PRKCA: variants seen among roughly 807,000 people sequenced by gnomAD.
PRKCA encodes protein kinase C alpha.
A neutral mutation model predicts 87.0 loss-of-function variants in PRKCA; 27 were observed. That is an observed-to-expected ratio of 0.31 (90% CI 0.23 to 0.43). PRKCA has a LOEUF of 0.43. Among genes scored for constraint, PRKCA ranks in the 20% least tolerant of loss-of-function variants. The pLI, the probability that PRKCA is intolerant of heterozygous loss-of-function variation, is 1.00. For missense variants in PRKCA, 518 were observed against 852.3 expected (o/e 0.61, Z 4.88); for synonymous variants, 329 against 311.1 (o/e 1.06, Z -0.61).
At chr17:66,644,177 A>G (rs1299516518) in intron 4 of PRKCA, among the ~76,000 whole-genome samples, 1 of 152,254 alleles carries the variant, frequency 6.6e-6, no homozygotes, top group African/African-American at 2.4e-5. Flanking sequence ...TAGAAGCCTA[A>G]TAGCATCCAC....
At chr17:66,753,800 C>A (rs376623727) in intron 13 of PRKCA, among the ~76,000 whole-genome samples, 37 of 152,202 alleles carry the variant, frequency 2.4e-4, no homozygotes, top group African/African-American at 7.2e-4. Context: ...CACGTCAGGA[C>A]ACAGCGAGAA....
At chr17:66,364,473 G>C (rs1311825305) in intron 2 of PRKCA, among the ~76,000 whole-genome samples, 1 of 152,162 alleles carries the variant, frequency 6.6e-6, no homozygotes, top group Non-Finnish European at 1.5e-5. Flanking sequence ...ATTTGAATTT[G>C]ATCTTAGGGA....
chr17:66,462,912 G>T (rs781272708), intron 2 of PRKCA, among the ~76,000 whole-genome samples: 1 of 146,776 alleles, frequency 6.8e-6, no homozygotes, highest in African/African-American at 2.6e-5. Context: ...ACACATGCAC[G>T]TGCACACATG....
intron 8 of PRKCA, among the ~76,000 whole-genome samples, chr17:66,695,267 A>T (rs917513072): frequency 9.8e-5 from 15 of 152,346 alleles, no homozygotes; most frequent in Middle Eastern, 3.4e-3. Flanking sequence ...CCTGGGGCTG[A>T]GGGCACTTCA....
At chr17:66,742,819 C>G in intron 13 of PRKCA, 59 bp downstream of exon 13, 1 of 1,582,640 alleles carries the variant, frequency 6.3e-7, no homozygotes. Flanking sequence ...ACGCAGCCCT[C>G]TCATGGGTTA....
chr17:66,353,586 T>C (rs1347503694), intron 2 of PRKCA, among the ~76,000 whole-genome samples: 2 of 152,100 alleles, frequency 1.3e-5, no homozygotes, highest in Non-Finnish European at 2.9e-5. Context: ...TGTGGTGGCC[T>C]GCTCCTGTAA....
chr17:66,775,130 A>T (rs1975016979), intron 14 of PRKCA: 2 of 983,574 alleles, frequency 2.0e-6, no homozygotes, highest in South Asian at 9.5e-5. Context: ...GGTGGTGCTG[A>T]TGGATGCGAG....
At chr17:66,566,992 A>G (rs576764623) in intron 3 of PRKCA, among the ~76,000 whole-genome samples, 10 of 152,270 alleles carry the variant, frequency 6.6e-5, no homozygotes, top group Admixed American at 5.9e-4. Flanking sequence ...TAAACCCTCA[A>G]TGGGAATATT....
chr17:66,780,841 C>T (rs1250927404), intron 14 of PRKCA, among the ~76,000 whole-genome samples: 1 of 152,098 alleles, frequency 6.6e-6, no homozygotes, highest in South Asian at 2.1e-4. Flanking sequence ...GGCGTGGTGA[C>T]ACACACCTGT....
At chr17:66,802,468 T>C (rs1409364858) in intron 16 of PRKCA, among the ~76,000 whole-genome samples, 1 of 151,266 alleles carries the variant, frequency 6.6e-6, no homozygotes, top group Admixed American at 6.6e-5. Context: ...GAGGTTACAG[T>C]GAGCCGAGGT....
rs1395432476 is a variant in PRKCA at position 66,781,862 on chromosome 17, GAGAGAGAT to G, written c.1606-5003_1606-4996del. ...TGGTAAATTTTGTGAGAGAGAGAGA[GAGAGAGAT>G]ATATATATATATATATAGTGTGTGT... On this transcript the variant is annotated intron_variant, in intron 14 of 16. Transcript: ENST00000413366. Among the ~76,000 whole-genome samples the G allele has an allele frequency of 2.2e-3, 248 of 113,264 alleles. 1 individual carries two copies. The highest frequency in any genetic ancestry group is 9.5e-3 in the African/African-American group (241 of 25,470). 74.3% of individuals were successfully genotyped at this position (113,264 alleles called of 152,430 possible).
intron 3 of PRKCA, 135 bp downstream of exon 3, chr17:66,496,418 A>G (rs372166079): frequency 4.2e-5 from 29 of 694,400 alleles, no homozygotes; most frequent in East Asian, 1.9e-4. Context: ...GTTGGCTTGT[A>G]GTAATGAGCA....
At chr17:66,482,979 T>G (rs1915847913) in intron 2 of PRKCA, among the ~76,000 whole-genome samples, 1 of 152,192 alleles carries the variant, frequency 6.6e-6, no homozygotes, top group Non-Finnish European at 1.5e-5. Flanking sequence ...CCCTAATTCA[T>G]TAGTTTGGTA....
chr17:66,722,373 C>T (rs968220783), intron 8 of PRKCA, among the ~76,000 whole-genome samples: 3 of 152,184 alleles, frequency 2.0e-5, no homozygotes, highest in African/African-American at 7.2e-5. Context: ...TTTGTCACAA[C>T]CACCCTCAAT....
At chr17:66,668,085 C>A (rs1972087113) in intron 5 of PRKCA, among the ~76,000 whole-genome samples, 1 of 152,196 alleles carries the variant, frequency 6.6e-6, no homozygotes, top group Non-Finnish European at 1.5e-5. Flanking sequence ...CAAAGTCCTG[C>A]ACACCTGAAA....
chr17:66,786,197 G>A (rs1327083730), intron 14 of PRKCA, among the ~76,000 whole-genome samples: 1 of 152,328 alleles, frequency 6.6e-6, no homozygotes, highest in Admixed American at 6.5e-5. Flanking sequence ...AGTAGAGCTA[G>A]AATTCTGGTC....
intron 16 of PRKCA, among the ~76,000 whole-genome samples, chr17:66,796,254 G>A (rs1000206382): frequency 7.9e-5 from 12 of 152,270 alleles, no homozygotes; most frequent in Non-Finnish European, 1.3e-4. Flanking sequence ...ATGTATAAAC[G>A]TATACACAGA....
At chr17:66,369,563 C>G (rs1908970504) in intron 2 of PRKCA, among the ~76,000 whole-genome samples, 1 of 152,168 alleles carries the variant, frequency 6.6e-6, no homozygotes, top group African/African-American at 2.4e-5. Context: ...AACTTGGATG[C>G]CTTGAGGTAC....
chr17:66,761,581 C>T (rs1051606391), intron 13 of PRKCA, among the ~76,000 whole-genome samples: 19 of 151,702 alleles, frequency 1.3e-4, no homozygotes, highest in Admixed American at 4.6e-4. Context: ...CCCAGCCTCC[C>T]GAGCAGCTGG....
Sources: allele counts gnomAD v4.1 joint callset (sites outside exome capture counted in the v4.1 genomes callset), GRCh38; gene constraint gnomAD v4.1.1; transcripts MANE v1.5; gene names NCBI Gene and HGNC (gene_info 2026-07-23, HGNC 2026-07-21).